The following CHM variants were observed in gnomAD, a reference collection of about 807,000 sequenced individuals.
CHM encodes the protein CHM Rab escort protein, also known as rab proteins geranylgeranyltransferase component A 1.
CHM carries 10 observed loss-of-function variants against 49.0 expected under a neutral mutation model. The observed-to-expected ratio is 0.20, with a 90% confidence interval of 0.13 to 0.35. The LOEUF (loss-of-function observed/expected upper bound fraction) is 0.35, where lower values mean the gene tolerates loss of function less well. Among genes scored for constraint, CHM ranks in the 10% least tolerant of loss-of-function variants. The probability of loss-of-function intolerance (pLI) is 1.00; values close to 1 mark genes in which losing one functional copy is unlikely to be tolerated. For missense variants in CHM, 455 were observed against 478.4 expected (o/e 0.95, Z 0.46); for synonymous variants, 184 against 167.5 (o/e 1.10, Z -0.76).
chrX:86,014,040 A>G (rs1264433967), intron 2 of CHM, among the ~76,000 whole-genome samples: 1 of 112,339 alleles, frequency 8.9e-6, no homozygotes, highest in Non-Finnish European at 1.9e-5. Flanking sequence ...CGTTCCAATA[A>G]GATTTTACTT....
intron 2 of CHM, among the ~76,000 whole-genome samples, chrX:86,015,143 A>C (rs1933239915): frequency 9.0e-6 from 1 of 110,789 alleles, no homozygotes; most frequent in Non-Finnish European, 1.9e-5. Flanking sequence ...CTCAAATCTC[A>C]TCTTGAATTC....
intron 8 of CHM, among the ~76,000 whole-genome samples, chrX:85,914,532 C>T (rs1406813387): frequency 9.0e-6 from 1 of 110,579 alleles, no homozygotes; most frequent in Non-Finnish European, 1.9e-5. Flanking sequence ...CTCCCCTCAA[C>T]GGTGCGCACT....
At chrX:85,880,967 C>T (rs1924723955) in intron 12 of CHM, among the ~76,000 whole-genome samples, 1 of 111,845 alleles carries the variant, frequency 8.9e-6, no homozygotes, top group Non-Finnish European at 1.9e-5. Flanking sequence ...GCTGATTGTG[C>T]TCTTTTTAAA....
At chrX:85,929,541 G>A (rs764056555) in intron 8 of CHM, among the ~76,000 whole-genome samples, 21 of 111,869 alleles carry the variant, frequency 1.9e-4, no homozygotes, top group Non-Finnish European at 3.6e-4. Flanking sequence ...GAGAGTTTCT[G>A]TTTTCAGCAG....
intron 1 of CHM, chrX:86,047,274 C>G: frequency 2.1e-6 from 1 of 479,538 alleles, no homozygotes. Flanking sequence ...ACCAGATCAA[C>G]CCCTACTCAA....
intron 2 of CHM, among the ~76,000 whole-genome samples, chrX:86,026,082 C>CTTTCAAG (rs1933798345): frequency 1.3e-5 from 1 of 74,086 alleles, no homozygotes; most frequent in Middle Eastern, 0.014. Flanking sequence ...AGTACCTGGG[C>CTTTCAAG]TTTCAAGGTA....
intron 1 of CHM, among the ~76,000 whole-genome samples, chrX:86,046,570 C>T (rs1307396604): frequency 1.8e-5 from 2 of 111,945 alleles, no homozygotes; most frequent in African/African-American, 6.5e-5. Flanking sequence ...TCCACCAGAG[C>T]TTCTCTGGCC....
intron 8 of CHM, among the ~76,000 whole-genome samples, chrX:85,948,619 T>A (rs993289103): frequency 1.8e-5 from 2 of 112,189 alleles, no homozygotes; most frequent in African/African-American, 6.5e-5. Context: ...TGTCTTTGAA[T>A]CCTTCACATA....
intron 12 of CHM, among the ~76,000 whole-genome samples, chrX:85,890,497 T>A (rs1170829025): frequency 9.0e-6 from 1 of 111,313 alleles, no homozygotes; most frequent in African/African-American, 3.3e-5. Context: ...CAGGGGCTGG[T>A]CTTTCCCACG....
At chrX:86,022,008 T>C (rs908732056) in intron 2 of CHM, among the ~76,000 whole-genome samples, 1 of 111,415 alleles carries the variant, frequency 9.0e-6, no homozygotes, top group Non-Finnish European at 1.9e-5. Context: ...AGTGGAGTAG[T>C]GGTTGCTAGT....
At chrX:85,968,677 T>C (rs1359056365) in intron 4 of CHM, among the ~76,000 whole-genome samples, 1 of 112,299 alleles carries the variant, frequency 8.9e-6, no homozygotes, top group African/African-American at 3.2e-5. Context: ...AGAAAACCTC[T>C]TCCCCTTTTC....
rs187998140 is a variant in CHM at position 85,963,486 on chromosome X, A to G, written c.702+179T>C. On this transcript the variant is annotated intron_variant, in intron 5 of 14. Transcript: ENST00000357749. Reference sequence around the variant, plus strand: ...TTAAAAACATAATTAAAGCATTTTCATGTGAGCACTTTAAATATGTTTTTA... The same window carrying G: ...TTAAAAACATAATTAAAGCATTTTCGTGTGAGCACTTTAAATATGTTTTTA... Among the ~76,000 whole-genome samples, 24 of 112,604 alleles carry G rather than the reference A, an allele frequency of 2.1e-4. No homozygotes were observed. In the Admixed American group the frequency reaches 2.2e-3, roughly 10 times the overall value.
intron 12 of CHM, among the ~76,000 whole-genome samples, chrX:85,888,215 T>C (rs993989495): frequency 9.0e-6 from 1 of 111,636 alleles, no homozygotes. Flanking sequence ...AGCCTAAGGA[T>C]GTGGTGCCCT....
At chrX:85,952,830 C>T (rs1340983013) in intron 8 of CHM, among the ~76,000 whole-genome samples, 1 of 112,859 alleles carries the variant, frequency 8.9e-6, no homozygotes, top group Non-Finnish European at 1.9e-5. Context: ...CAGAGGGGAG[C>T]CCACTGCCAT....
Position 85,957,900 on chromosome X carries a change from G to A in CHM, c.895C>T (p.Leu299Phe). ...TTCTCATATTCCATACAAAATGTAA[G>A]AAATTTCATTAGCATTCGCTTTTCT... ...MVEKRMLMKF[L>F]TFCMEYEKYP... The change falls in exon 7 of 15, where the codon CTT becomes TTT. Residue 299 changes from leucine to phenylalanine, a missense_variant. Leu to Phe is a conservative substitution (Grantham distance 22). Transcript: ENST00000357749. 1 of 1,209,731 alleles carries A rather than the reference G, an allele frequency of 8.3e-7. No individual in the cohort carries two copies. The highest frequency in any genetic ancestry group is 1.8e-5 in the South Asian group (1 of 56,755).
chrX:85,925,949 C>T (rs1460877730), intron 8 of CHM, among the ~76,000 whole-genome samples: 1 of 110,750 alleles, frequency 9.0e-6, no homozygotes, highest in African/African-American at 3.3e-5. Flanking sequence ...AACACGGCCA[C>T]TCATGTCATT....
At chrX:85,896,153 G>GA (rs1236621302) in intron 11 of CHM, among the ~76,000 whole-genome samples, 44 of 86,893 alleles carry the variant, frequency 5.1e-4, no homozygotes, top group South Asian at 4.3e-3. Context: ...AAAAAAAAAA[G>GA]AAAAAAAAAA....
At chrX:85,886,979 T>G (rs760404687) in intron 12 of CHM, among the ~76,000 whole-genome samples, 2 of 105,763 alleles carry the variant, frequency 1.9e-5, no homozygotes, top group Non-Finnish European at 3.9e-5. Context: ...GCATACTAGA[T>G]TTTTAAATGA....
intron 4 of CHM, among the ~76,000 whole-genome samples, chrX:85,977,985 T>A (rs1034668342): frequency 8.9e-6 from 1 of 111,973 alleles, no homozygotes; most frequent in Non-Finnish European, 1.9e-5. Flanking sequence ...TCCTGAAGAA[T>A]CTCTGGTGTA....
Sources: allele counts gnomAD v4.1 joint callset (sites outside exome capture counted in the v4.1 genomes callset), GRCh38; gene constraint gnomAD v4.1.1; transcripts MANE v1.5; gene names NCBI Gene and HGNC (gene_info 2026-07-23, HGNC 2026-07-21).